Variants in DGKG observed in about 807,000 individuals in gnomAD.
The protein encoded by DGKG is DAG kinase gamma.
A neutral mutation model predicts 105.3 loss-of-function variants in DGKG; 78 were observed. That is an observed-to-expected ratio of 0.74 (90% confidence interval 0.62 to 0.89). The LOEUF (loss-of-function observed/expected upper bound fraction) is 0.89, where lower values mean the gene tolerates loss of function less well. Among genes scored for constraint, DGKG ranks in the 40% least tolerant of loss-of-function variants. The pLI is 0.00. For synonymous variants in DGKG, 346 were observed against 367.1 expected, an observed-to-expected ratio of 0.94 and a Z score of 0.66; for missense variants, 958 against 1,020.1, an observed-to-expected ratio of 0.94 and a Z score of 0.83.
chr3:186,177,443 TG>T (rs1267099376), intron 22 of DGKG, among the ~76,000 whole-genome samples: 1 of 152,228 alleles, frequency 6.6e-6, no homozygotes, highest in Non-Finnish European at 1.5e-5. Flanking sequence ...ACCTACTAGC[TG>T]CATTGCATGG....
chr3:186,240,895 G>A (rs994958330), intron 20 of DGKG, among the ~76,000 whole-genome samples: 2 of 151,914 alleles, frequency 1.3e-5, no homozygotes, highest in Non-Finnish European at 2.9e-5. Context: ...TAAAAAAGTG[G>A]TTTGTGTGTA....
chr3:186,238,778 T>G (rs1378990941), intron 20 of DGKG, among the ~76,000 whole-genome samples: 1 of 152,226 alleles, frequency 6.6e-6, no homozygotes, highest in Non-Finnish European at 1.5e-5. Context: ...CCTCCTCGGT[T>G]CTGGTTCTTG....
At chr3:186,360,408 A>G (rs1478290110) in intron 1 of DGKG, among the ~76,000 whole-genome samples, 1 of 152,142 alleles carries the variant, frequency 6.6e-6, no homozygotes, top group South Asian at 2.1e-4. Flanking sequence ...GATTGGCAAA[A>G]AAGACATAGA....
In DGKG at chr3:186,274,024, C is replaced by G. The variant is rs1458477982; in HGVS notation, c.910+1523G>C. On this transcript the variant is annotated intron_variant, in intron 10 of 24. Coordinates refer to ENST00000265022, the MANE Select transcript of DGKG (RefSeq NM_001346.3). ...TCCTTATCACTCTTTTCCCCCATCT[C>G]TTTTTGCTGTCTCCCTTTCCAGTCT... is the stretch of plus-strand genomic sequence containing the variant. Among the ~76,000 whole-genome samples the G allele has an allele frequency of 2.6e-5, 4 of 152,198 alleles. No homozygotes were observed. In the East Asian group the frequency reaches 7.7e-4, roughly 29 times the overall value.
At chr3:186,170,479 T>C (rs140243747) in intron 22 of DGKG, among the ~76,000 whole-genome samples, 78 of 152,326 alleles carry the variant, frequency 5.1e-4, no homozygotes, top group African/African-American at 1.7e-3. Context: ...TGGAAGATTC[T>C]GAGGCGTACT....
intron 23 of DGKG, among the ~76,000 whole-genome samples, chr3:186,162,970 C>T (rs1309944706): frequency 6.6e-6 from 1 of 152,172 alleles, no homozygotes; most frequent in Non-Finnish European, 1.5e-5. Context: ...GAAAGTGTTG[C>T]CTTCTTGCTT....
At chr3:186,213,386 G>A (rs987524445) in intron 20 of DGKG, among the ~76,000 whole-genome samples, 1 of 152,192 alleles carries the variant, frequency 6.6e-6, no homozygotes, top group Non-Finnish European at 1.5e-5. Context: ...TTCCCAGTGT[G>A]CCACACATAG....
intron 1 of DGKG, among the ~76,000 whole-genome samples, chr3:186,325,597 A>G (rs578022325): frequency 1.3e-5 from 2 of 152,252 alleles, no homozygotes; most frequent in African/African-American, 4.8e-5. Context: ...TTCTAATTCC[A>G]TCATTCCCTT....
chr3:186,290,213 G>C (rs1376298343), intron 5 of DGKG, among the ~76,000 whole-genome samples: 1 of 152,180 alleles, frequency 6.6e-6, no homozygotes, highest in African/African-American at 2.4e-5. Flanking sequence ...TTATACAAAA[G>C]CAGAAAGCCT....
intron 5 of DGKG, among the ~76,000 whole-genome samples, chr3:186,296,908 CCT>C (rs1426127897): frequency 6.6e-6 from 1 of 152,138 alleles, no homozygotes; most frequent in East Asian, 1.9e-4. Flanking sequence ...ATTAGCAACT[CCT>C]CAACTTATTC....
intron 20 of DGKG, among the ~76,000 whole-genome samples, chr3:186,223,153 G>A (rs116638618): frequency 0.016 from 2,368 of 150,766 alleles, 37 homozygotes; most frequent in Non-Finnish European, 0.021. Flanking sequence ...CATCTTTTCC[G>A]CTGAATTGGG....
chr3:186,328,794 G>A (rs1027694722), intron 1 of DGKG, among the ~76,000 whole-genome samples: 7 of 151,968 alleles, frequency 4.6e-5, no homozygotes, highest in African/African-American at 1.7e-4. Context: ...GGCCAGGCTG[G>A]TCTCGAACTC....
intron 3 of DGKG, among the ~76,000 whole-genome samples, chr3:186,299,096 C>G (rs1000642597): frequency 6.6e-6 from 1 of 152,230 alleles, no homozygotes; most frequent in Admixed American, 6.5e-5. Context: ...TCAACAACAA[C>G]AGTTTGCAGT....
chr3:186,160,959 A>G, intron 24 of DGKG: 1 of 985,340 alleles, frequency 1.0e-6, no homozygotes, highest in Non-Finnish European at 1.2e-6. Context: ...ATCATTTGAC[A>G]TGTATTATTG....
intron 20 of DGKG, among the ~76,000 whole-genome samples, chr3:186,217,286 TACAATC>T (rs1719342225): frequency 6.6e-6 from 1 of 152,192 alleles, no homozygotes; most frequent in African/African-American, 2.4e-5. Context: ...TTTCCCCTCT[TACAATC>T]ACCTTTCAGC....
intron 5 of DGKG, among the ~76,000 whole-genome samples, chr3:186,295,921 A>G (rs1220276532): frequency 4.6e-5 from 7 of 152,288 alleles, no homozygotes; most frequent in African/African-American, 1.7e-4. Flanking sequence ...AGCCTGGCCA[A>G]GATGGCAAAA....
intron 19 of DGKG, chr3:186,242,784 C>T: frequency 4.3e-6 from 2 of 464,888 alleles, no homozygotes; most frequent in Middle Eastern, 3.3e-4. Context: ...ACAGCCTATG[C>T]CAGTTGACTC....
At chr3:186,250,131 C>A (rs1016900199) in intron 19 of DGKG, among the ~76,000 whole-genome samples, 8 of 152,092 alleles carry the variant, frequency 5.3e-5, no homozygotes, top group Admixed American at 3.9e-4. Flanking sequence ...GGTCTCGAAG[C>A]CTCATCTGTA....
chr3:186,235,498 C>A (rs943961024), intron 20 of DGKG, among the ~76,000 whole-genome samples: 2 of 152,140 alleles, frequency 1.3e-5, no homozygotes, highest in African/African-American at 2.4e-5. Context: ...TGCTGTTGAA[C>A]CTTTATGCCT....
Sources: allele counts gnomAD v4.1 joint callset (sites outside exome capture counted in the v4.1 genomes callset), GRCh38; gene constraint gnomAD v4.1.1; transcripts MANE v1.5; gene names NCBI Gene and HGNC (gene_info 2026-07-23, HGNC 2026-07-21).